Variants in KLHL29 observed in about 807,000 individuals in gnomAD.
KLHL29 encodes kelch like family member 29.
Under a neutral mutation model 80.4 loss-of-function variants are expected in KLHL29, and 21 were observed. The ratio of observed to expected loss-of-function variants is 0.26; its 90% confidence interval spans 0.19 to 0.38. KLHL29 has a LOEUF of 0.38. KLHL29 is among the 10% of genes least tolerant of loss of function. The pLI is 1.00. For synonymous variants in KLHL29, 511 were observed against 526.8 expected (o/e 0.97, Z 0.41); for missense variants, 867 against 1,223.9 (o/e 0.71, Z 4.35).
At chr2:23,519,419 G>C (rs1666031766) in intron 2 of KLHL29, among the ~76,000 whole-genome samples, 1 of 150,668 alleles carries the variant, frequency 6.6e-6, no homozygotes. Flanking sequence ...GACTCCCCCT[G>C]GCCAGTGTGC....
chr2:23,636,140 C>T (rs1669601810), intron 3 of KLHL29, among the ~76,000 whole-genome samples: 1 of 152,168 alleles, frequency 6.6e-6, no homozygotes, highest in African/African-American at 2.4e-5. Flanking sequence ...GGGCCTGGAA[C>T]TCGTCGTAGG....
Position 23,596,586 on chromosome 2 carries a change from A to C in KLHL29, c.285+34105A>C, listed in dbSNP as rs931782210. ...CTGAGTCATCCTTCTCCATAATGGAAGATGAGATTGTGCTGGCGGGAACAC... is the reference window on the plus strand; with the variant it reads ...CTGAGTCATCCTTCTCCATAATGGACGATGAGATTGTGCTGGCGGGAACAC... On this transcript the variant is annotated intron_variant, in intron 3 of 13. Coordinates refer to ENST00000486442, the MANE Select transcript of KLHL29 (RefSeq NM_052920.2). The surrounding 1 kb of genome is among the most constrained non-coding windows in gnomAD (Gnocchi z 4.4). Among the ~76,000 whole-genome samples the C allele has an allele frequency of 3.9e-5, 6 of 152,222 alleles. No homozygotes were observed. Among genetic ancestry groups the C allele is most frequent in the Admixed American group, 2.0e-4 (3 of 15,288 alleles).
rs1662828138 is a variant in KLHL29, at chr2:23,422,057, CTCTG to C, written c.-154+36279_-154+36282del. Among the ~76,000 whole-genome samples, 3 of 149,886 alleles carry C rather than the reference CTCTG, an allele frequency of 2.0e-5. No individual in the cohort carries two copies. The South Asian group carries it at 6.3e-4, about 32-fold the overall frequency. ...TGTGTGTGTTCATGTGTTTGTGTGT[CTCTG>C]TGTGTGTCAGTGTGTCTCCCTTTGC... is the stretch of plus-strand genomic sequence containing the variant. On this transcript the variant is annotated intron_variant, in intron 1 of 13. Transcript: ENST00000486442.
At chr2:23,511,395 T>C (rs1665768082) in intron 2 of KLHL29, among the ~76,000 whole-genome samples, 1 of 152,092 alleles carries the variant, frequency 6.6e-6, no homozygotes. Flanking sequence ...AATAATCCAA[T>C]CACTGCCCAG....
chr2:23,524,509 G>A (rs1666232453), intron 2 of KLHL29, among the ~76,000 whole-genome samples: 1 of 152,240 alleles, frequency 6.6e-6, no homozygotes, highest in South Asian at 2.1e-4. Context: ...CCACACGGCT[G>A]GCAGGCCAGT....
chr2:23,391,167 G>T (rs905547772), intron 1 of KLHL29, among the ~76,000 whole-genome samples: 1 of 152,168 alleles, frequency 6.6e-6, no homozygotes, highest in Non-Finnish European at 1.5e-5. Flanking sequence ...CTTTTGTGAT[G>T]GGCTTGTTAA....
chr2:23,522,970 C>A (rs1666153391), intron 2 of KLHL29, among the ~76,000 whole-genome samples: 1 of 151,724 alleles, frequency 6.6e-6, no homozygotes, highest in South Asian at 2.1e-4. Context: ...ACCACGAGAG[C>A]AGGTGTTAGA....
At chr2:23,633,792 T>TG (rs1190935622) in intron 3 of KLHL29, among the ~76,000 whole-genome samples, 1 of 151,800 alleles carries the variant, frequency 6.6e-6, no homozygotes, top group African/African-American at 2.4e-5. Context: ...TGTGTGTGTG[T>TG]TTAATTTGAC....
chr2:23,658,774 C>G (rs1670317972), intron 5 of KLHL29, among the ~76,000 whole-genome samples: 2 of 152,196 alleles, frequency 1.3e-5, no homozygotes, highest in Non-Finnish European at 2.9e-5. Flanking sequence ...GGGACTTTGG[C>G]CTCTGGGAGC....
intron 2 of KLHL29, among the ~76,000 whole-genome samples, chr2:23,534,588 C>T (rs1666605868): frequency 6.6e-6 from 1 of 152,102 alleles, no homozygotes; most frequent in Admixed American, 6.5e-5. Flanking sequence ...AAGTTCCCGT[C>T]TTCCTTCTCT....
intron 2 of KLHL29, among the ~76,000 whole-genome samples, chr2:23,526,293 G>C (rs1286986281): frequency 6.6e-6 from 1 of 151,694 alleles, no homozygotes; most frequent in East Asian, 1.9e-4. Context: ...TCACAGGGGA[G>C]GGGAAACCAG....
Position 23,696,178 on chromosome 2 carries a change from A to G in KLHL29, c.1924+45A>G. On this transcript the variant is annotated intron_variant, in intron 10 of 13. Coordinates refer to ENST00000486442, the MANE Select transcript of KLHL29 (RefSeq NM_052920.2). This position sits in a 1 kb window ranked among gnomAD's most constrained non-coding sequence, Gnocchi z 5.5. The stretch of plus-strand genomic sequence containing the variant: ...GGGCGGGACCAGGCATGGGGGTCCC[A>G]AGGGGACTGCTCCCCACGTCAGGGC... 6.5e-7 allele frequency: 1 copy of G among 1,527,862 alleles called. No homozygotes were observed. Among genetic ancestry groups the G allele is most frequent in the Non-Finnish European group, 8.8e-7 (1 of 1,130,260 alleles). The allele number at this position is 1,527,862 out of a possible 1,614,324, so 94.6% of individuals were successfully genotyped here. A position where few individuals can be genotyped will look rare whatever the true frequency, so the allele number is the denominator to read the frequency against.
At chr2:23,555,654 GAGCAGGTGAGTC>G (rs1216395762) in intron 2 of KLHL29, among the ~76,000 whole-genome samples, 1 of 152,244 alleles carries the variant, frequency 6.6e-6, no homozygotes, top group Non-Finnish European at 1.5e-5. Flanking sequence ...ACTTTTTGGT[GAGCAGGTGAGTC>G]AGCAGGTGAG....
At chr2:23,418,853 C>CAGCA (rs1345135469) in intron 1 of KLHL29, among the ~76,000 whole-genome samples, 8 of 152,160 alleles carry the variant, frequency 5.3e-5, no homozygotes, top group African/African-American at 1.9e-4. Flanking sequence ...ACAGCATGCA[C>CAGCA]TTCGTCAATC....
At chr2:23,577,736 G>A (rs1402075534) in intron 3 of KLHL29, among the ~76,000 whole-genome samples, 1 of 149,138 alleles carries the variant, frequency 6.7e-6, no homozygotes, top group Non-Finnish European at 1.5e-5. Flanking sequence ...TGACTAGAGC[G>A]AAACTTCATC....
chr2:23,567,435 A>G (rs1667614390), intron 3 of KLHL29, among the ~76,000 whole-genome samples: 1 of 151,966 alleles, frequency 6.6e-6, no homozygotes, highest in Admixed American at 6.6e-5. Flanking sequence ...GAAGAACCAA[A>G]AGGGGCTATG....
In KLHL29 at chr2:23,385,359, C is replaced by G. The variant is rs1393083434; in HGVS notation, c.-575C>G. On this transcript the variant is annotated 5_prime_UTR_variant, in exon 1 of 14. Coordinates refer to ENST00000486442, the MANE Select transcript of KLHL29 (RefSeq NM_052920.2). ...CGGTCGCCGCGCTTGAGCGCAGCCCCCGCCCGGAGCCCGAGCCGCGAGCCC... is the reference window on the plus strand; with the variant it reads ...CGGTCGCCGCGCTTGAGCGCAGCCCGCGCCCGGAGCCCGAGCCGCGAGCCC... 1 of 146,938 alleles carries G rather than the reference C, an allele frequency of 6.8e-6. No homozygotes were observed. Among genetic ancestry groups the G allele is most frequent in the Non-Finnish European group, 1.5e-5 (1 of 65,668 alleles). 9.1% of individuals were successfully genotyped at this position (146,938 alleles called of 1,614,324 possible).
chr2:23,483,109 A>G (rs575224876), intron 2 of KLHL29, among the ~76,000 whole-genome samples: 3 of 152,358 alleles, frequency 2.0e-5, no homozygotes, highest in East Asian at 1.9e-4. Context: ...AGCATCTACT[A>G]TAATGCTAGG....
At chr2:23,651,993 A>G (rs1287401800) in intron 5 of KLHL29, among the ~76,000 whole-genome samples, 1 of 152,150 alleles carries the variant, frequency 6.6e-6, no homozygotes, top group African/African-American at 2.4e-5. Context: ...TAGGGCTTCA[A>G]CACAGGAATT....
Sources: gnomAD v4.1 joint callset for allele counts (sites outside exome capture counted in the v4.1 genomes callset) on GRCh38, gnomAD v4.1.1 for gene constraint, Gnocchi (gnomAD v3.1) non-coding constraint, MANE v1.5 for transcripts, NCBI Gene and HGNC (gene_info 2026-07-23, HGNC 2026-07-21) for gene names.